SSR1: variants seen among roughly 807,000 people sequenced by gnomAD.
SSR1 encodes signal sequence receptor subunit 1, also known as translocon-associated protein subunit alpha.
SSR1 carries 13 observed loss-of-function variants against 36.1 expected under a neutral mutation model. The observed-to-expected ratio is 0.36, with a 90% confidence interval of 0.23 to 0.57. The LOEUF (loss-of-function observed/expected upper bound fraction) is 0.57. Among genes scored for constraint, SSR1 ranks in the 20% least tolerant of loss-of-function variants. The pLI, the probability that SSR1 is intolerant of heterozygous loss-of-function variation, is 0.81. For synonymous variants in SSR1, 113 were observed against 118.9 expected (o/e 0.95, Z 0.32); for missense variants, 291 against 338.5 (o/e 0.86, Z 1.10).
intron 2 of SSR1, among the ~76,000 whole-genome samples, chr6:7,305,665 A>G (rs893428453): frequency 6.6e-6 from 1 of 152,272 alleles, no homozygotes; most frequent in Non-Finnish European, 1.5e-5. Flanking sequence ...TGGAAGGGTT[A>G]GCCTTAGAAG....
At chr6:7,294,437 C>T (rs1447292212) in intron 7 of SSR1, among the ~76,000 whole-genome samples, 1 of 152,192 alleles carries the variant, frequency 6.6e-6, no homozygotes, top group Non-Finnish European at 1.5e-5. Context: ...CCTGTAATCC[C>T]AGGACTTTGG....
chr6:7,295,144 A>T, intron 7 of SSR1: 3 of 1,511,054 alleles, frequency 2.0e-6, no homozygotes, highest in Non-Finnish European at 2.6e-6. Context: ...TGGATTAGGA[A>T]CACAGAAAAT....
Position 7,295,447 on chromosome 6 carries a change from T to C in SSR1, c.738A>G (p.Ser246=), listed in dbSNP as rs772347821. The C allele has an allele frequency of 3.7e-6, 6 of 1,611,796 alleles. No individual in the cohort carries two copies. The highest frequency in any genetic ancestry group is 4.2e-6 in the Non-Finnish European group (5 of 1,179,336). ...RPIQKVEMGT[S]SQNDVDMSWI... ...AACTCATGTCAACATCATTCTGACTTGATGTACCCATTTCTACTTTCTGTA... is the reference window on the plus strand; with the variant it reads ...AACTCATGTCAACATCATTCTGACTCGATGTACCCATTTCTACTTTCTGTA... The change falls in exon 7 of 8, where the codon TCA becomes TCG. Residue 246 remains serine, a synonymous_variant. Coordinates refer to ENST00000244763, the MANE Select transcript of SSR1 (RefSeq NM_003144.5).
At chr6:7,301,996 A>G (rs1477679153) in intron 3 of SSR1, among the ~76,000 whole-genome samples, 1 of 152,236 alleles carries the variant, frequency 6.6e-6, no homozygotes, top group South Asian at 2.1e-4. Context: ...GAAAACTAGC[A>G]TCTGTTAGAA....
At position 7,289,488 on chromosome 6, in the gene SSR1, T is replaced by C; in HGVS notation, c.*376A>G. 4.8e-6 allele frequency: 1 copy of C among 208,814 alleles called. No individual in the cohort carries two copies. The highest frequency in any genetic ancestry group is 9.4e-6 in the Non-Finnish European group (1 of 106,574). 12.9% of individuals were successfully genotyped at this position (208,814 alleles called of 1,614,324 possible). A position where few individuals can be genotyped will look rare whatever the true frequency, so the allele number is the denominator to read the frequency against. ...CAAGGCAGGACATCAATAATCATAG[T>C]GGGTAAATATTAACTGAGTTTTGGG... On this transcript the variant is annotated 3_prime_UTR_variant, in exon 8 of 8. Coordinates refer to ENST00000244763, the MANE Select transcript of SSR1 (RefSeq NM_003144.5).
At chr6:7,310,218 A>C (rs1053631946) in intron 1 of SSR1, among the ~76,000 whole-genome samples, 189 bp from the exon 2 acceptor site, 1 of 143,590 alleles carries the variant, frequency 7.0e-6, no homozygotes, top group Non-Finnish European at 1.5e-5. Flanking sequence ...TAACAACTGC[A>C]TATCAATTTT....
chr6:7,287,697 G>T lies in SSR1; in HGVS notation c.*2167C>A, dbSNP rs1757585811. 2 of 152,684 alleles carry T rather than the reference G, an allele frequency of 1.3e-5. No homozygotes were observed. Among genetic ancestry groups the T allele is most frequent in the East Asian group, 3.9e-4 (2 of 5,182 alleles). 9.5% of individuals were successfully genotyped at this position (152,684 alleles called of 1,614,324 possible). ...TCAAAAGATGAATTCTGAAAACATA[G>T]TTGGTGTAGCAAATGAATATATCAA... On this transcript the variant is annotated 3_prime_UTR_variant, in exon 8 of 8. Coordinates refer to ENST00000244763, the MANE Select transcript of SSR1 (RefSeq NM_003144.5).
In SSR1 at chr6:7,289,677, T is replaced by A; in HGVS notation, c.*187A>T. 1 of 594,748 alleles carries A rather than the reference T, an allele frequency of 1.7e-6. No individual in the cohort carries two copies. Among genetic ancestry groups the A allele is most frequent in the Non-Finnish European group, 2.8e-6 (1 of 351,520 alleles). 36.8% of individuals were successfully genotyped at this position (594,748 alleles called of 1,614,324 possible). On this transcript the variant is annotated 3_prime_UTR_variant, in exon 8 of 8. Coordinates refer to ENST00000244763, the MANE Select transcript of SSR1 (RefSeq NM_003144.5). ...TAATGGTTTAAAAAAAAACCAAATT[T>A]GTTACTTTAGAAAAATGAATGCAGT...
At chr6:7,301,278 CT>C in intron 4 of SSR1, 31 bp downstream of exon 4, 1 of 1,604,438 alleles carries the variant, frequency 6.2e-7, no homozygotes, top group Non-Finnish European at 8.5e-7. Context: ...CCATCTCTAA[CT>C]TAAACAAAAA....
chr6:7,312,931 G>A, intron 1 of SSR1, 111 bp downstream of exon 1: 1 of 1,087,216 alleles, frequency 9.2e-7, no homozygotes. Flanking sequence ...AGAGGCCAGC[G>A]GGGTGGACGC....
intron 7 of SSR1, among the ~76,000 whole-genome samples, chr6:7,294,238 A>G (rs1757743203): frequency 6.6e-6 from 1 of 152,192 alleles, no homozygotes; most frequent in Non-Finnish European, 1.5e-5. Context: ...AGTTTAGTAA[A>G]TATTTATGTA....
At position 7,286,151 on chromosome 6, in the gene SSR1, C is replaced by G. The variant is rs936905900; in HGVS notation, c.*3713G>C. 1 of 151,976 alleles carries G rather than the reference C, an allele frequency of 6.6e-6. No homozygotes were observed. The highest frequency in any genetic ancestry group is 1.5e-5 in the Non-Finnish European group (1 of 68,016). 9.4% of individuals were successfully genotyped at this position (151,976 alleles called of 1,614,324 possible). A position where few individuals can be genotyped will look rare whatever the true frequency, so the allele number is the denominator to read the frequency against. On this transcript the variant is annotated 3_prime_UTR_variant, in exon 8 of 8. Transcript: ENST00000244763. ...ACTAGAAAACAAACAGAACACAGCA[C>G]GTGATTGATGTTTAATAAATGAGTT...
intron 3 of SSR1, among the ~76,000 whole-genome samples, chr6:7,302,920 C>T (rs1206215372): frequency 6.6e-6 from 1 of 152,024 alleles, no homozygotes; most frequent in Non-Finnish European, 1.5e-5. Flanking sequence ...GGACAGATCA[C>T]GAGGTCAGGA....
chr6:7,295,185 G>T, intron 7 of SSR1: 1 of 1,426,306 alleles, frequency 7.0e-7, no homozygotes, highest in Non-Finnish European at 9.3e-7. Flanking sequence ...TGCAGATCTG[G>T]AAGAATTTCC....
In SSR1 at chr6:7,290,677, G is replaced by GT. The variant is rs547452130; in HGVS notation, c.794-747dup. Among the ~76,000 whole-genome samples, 298 of 149,808 alleles carry GT rather than the reference G, an allele frequency of 2.0e-3. 2 individuals carry two copies. The highest frequency in any genetic ancestry group is 9.3e-3 in the South Asian group (44 of 4,716). The stretch of plus-strand genomic sequence containing the variant: ...ATTTTGCATTCATTGATTTCGTATT[G>GT]TTTTTTTTTGGTATGTTTGTATACT... On this transcript the variant is annotated intron_variant, in intron 7 of 7. Transcript: ENST00000244763.
rs1757615313 is a variant in SSR1 at position 7,288,901 on chromosome 6, T to C, written c.*963A>G. On this transcript the variant is annotated 3_prime_UTR_variant, in exon 8 of 8. Transcript: ENST00000244763. The stretch of plus-strand genomic sequence containing the variant: ...AAATTAGTTAACTGCTTTAAAAATA[T>C]CCAACTCACTTTCTTCATTGATTAG... 6.6e-6 allele frequency: 1 copy of C among 152,202 alleles called. No homozygotes were observed. Among genetic ancestry groups the C allele is most frequent in the African/African-American group, 2.4e-5 (1 of 41,452 alleles). The allele number at this position is 152,202 out of a possible 1,614,324, so 9.4% of individuals were successfully genotyped here.
At position 7,281,576 on chromosome 6, in the gene SSR1, A is replaced by C. The variant is rs887313494; in HGVS notation, c.*8288T>G. 2.0e-5 allele frequency: 3 copies of C among 152,346 alleles called. No homozygotes were observed. Among genetic ancestry groups the C allele is most frequent in the East Asian group, 3.9e-4 (2 of 5,190 alleles). The allele number at this position is 152,346 out of a possible 1,614,324, so 9.4% of individuals were successfully genotyped here. A position where few individuals can be genotyped will look rare whatever the true frequency, so the allele number is the denominator to read the frequency against. Reference sequence around the variant, plus strand: ...AGTATTTCATCCCAACTAAATTCCAATTTCTTCAATGTTCTCTGAGTTGTT... The same window carrying C: ...AGTATTTCATCCCAACTAAATTCCACTTTCTTCAATGTTCTCTGAGTTGTT... On this transcript the variant is annotated 3_prime_UTR_variant, in exon 8 of 8. Transcript: ENST00000244763.
chr6:7,309,328 G>A (rs1388021977), intron 2 of SSR1, among the ~76,000 whole-genome samples: 1 of 152,144 alleles, frequency 6.6e-6, no homozygotes, highest in Admixed American at 6.5e-5. Context: ...CGGGCTTGTT[G>A]GGGCATGACG....
At chr6:7,307,070 A>G (rs1353297433) in intron 2 of SSR1, among the ~76,000 whole-genome samples, 2 of 152,146 alleles carry the variant, frequency 1.3e-5, no homozygotes, top group Non-Finnish European at 2.9e-5. Context: ...ACTCCAGGAC[A>G]CTGGCCCAGT....
Sources: gnomAD v4.1 joint callset for allele counts (sites outside exome capture counted in the v4.1 genomes callset) on GRCh38, gnomAD v4.1.1 for gene constraint, MANE v1.5 for transcripts, NCBI Gene and HGNC (gene_info 2026-07-23, HGNC 2026-07-21) for gene names.